The following CEP78 variants were observed in gnomAD, a reference collection of about 807,000 sequenced individuals.
The protein encoded by CEP78 is centrosomal protein of 78 kDa.
CEP78 carries 76 observed loss-of-function variants against 81.2 expected under a neutral mutation model. The ratio of observed to expected loss-of-function variants is 0.94; its 90% CI spans 0.78 to 1.13. The LOEUF is 1.13. CEP78 is among the 50% of genes most tolerant of loss of function. The pLI is 0.00. For missense variants in CEP78, 918 were observed against 846.8 expected, an observed-to-expected ratio of 1.08 and a Z score of -1.04; for synonymous variants, 293 against 301.4, an observed-to-expected ratio of 0.97 and a Z score of 0.29.
Position 78,240,855 on chromosome 9 carries a change from C to T in CEP78, c.499+491C>T, listed in dbSNP as rs189438914. ...GCGGGTGCCTATAGTCCCAGCCACT[C>T]AGGAGGCTGAGGCAGGAGAATGGTG... On this transcript the variant is annotated intron_variant, in intron 3 of 16. Coordinates refer to ENST00000643273, the MANE Select transcript of CEP78 (RefSeq NM_001330691.3). Among the ~76,000 whole-genome samples the T allele has an allele frequency of 3.9e-3, 595 of 151,618 alleles. 3 individuals are homozygous for T. The highest frequency in any genetic ancestry group is 0.013 in the African/African-American group (552 of 41,278).
intron 11 of CEP78, among the ~76,000 whole-genome samples, chr9:78,255,650 T>C (rs930007814): frequency 6.6e-6 from 1 of 152,176 alleles, no homozygotes; most frequent in Non-Finnish European, 1.5e-5. Context: ...TTTCATTTTT[T>C]AAATTAAAAT....
chr9:78,251,701 T>G (rs1217355360), intron 8 of CEP78, among the ~76,000 whole-genome samples: 1 of 151,144 alleles, frequency 6.6e-6, no homozygotes, highest in Non-Finnish European at 1.5e-5. Flanking sequence ...TATTTATTAC[T>G]TATATTTAAG....
At chr9:78,263,816 A>C (rs1295481358) in intron 12 of CEP78, among the ~76,000 whole-genome samples, 1 of 152,164 alleles carries the variant, frequency 6.6e-6, no homozygotes, top group Non-Finnish European at 1.5e-5. Context: ...CAAATTGTAA[A>C]ATGCTTACTC....
rs866636121 is a variant in CEP78, at chr9:78,277,519, A to G, written c.*6668A>G. The G allele has an allele frequency of 6.6e-6, 1 of 152,350 alleles. No individual in the cohort carries two copies. Among genetic ancestry groups the G allele is most frequent in the African/African-American group, 2.4e-5 (1 of 41,586 alleles). 9.4% of individuals were successfully genotyped at this position (152,350 alleles called of 1,614,324 possible). A position where few individuals can be genotyped will look rare whatever the true frequency, so the allele number is the denominator to read the frequency against. ...TTTCAACCTCGTAAGCAATCAGGAA[A>G]ATTAAAGTTAAAATGAGATACTATT... On this transcript the variant is annotated 3_prime_UTR_variant, in exon 17 of 17. Coordinates refer to ENST00000643273, the MANE Select transcript of CEP78 (RefSeq NM_001330691.3).
intron 12 of CEP78, 178 bp from the exon 13 acceptor site, chr9:78,263,971 GT>G (rs534802999): frequency 1.2e-3 from 457 of 388,354 alleles, no homozygotes; most frequent in African/African-American, 8.8e-3. Context: ...TATGTAGGAG[GT>G]TTTGTCAGTT....
At chr9:78,254,159 G>T (rs1826899651) in intron 10 of CEP78, among the ~76,000 whole-genome samples, 1 of 152,132 alleles carries the variant, frequency 6.6e-6, no homozygotes, top group African/African-American at 2.4e-5. Context: ...TTTGGCTTAA[G>T]AATGAGGAAA....
Position 78,236,364 on chromosome 9 carries a change from T to C in CEP78, c.14T>C (p.Val5Ala), listed in dbSNP as rs1381420965. MIDS[V>A]KLRRDSAADF... ...CGCCCTCGGGCCATGATCGACTCCG[T>C]GAAGCTGCGCCGCGACAGCGCGGCG... The change falls in exon 1 of 17, where the codon GTG becomes GCG. Residue 5 changes from valine to alanine, a missense_variant. By Grantham distance (64) the Val-to-Ala change is moderately conservative. Transcript: ENST00000643273. 2.9e-5 allele frequency: 46 copies of C among 1,580,648 alleles called. No individual in the cohort carries two copies. The highest frequency in any genetic ancestry group is 3.9e-5 in the Non-Finnish European group (46 of 1,166,984).
intron 14 of CEP78, 140 bp downstream of exon 14, chr9:78,265,683 AT>A: frequency 1.2e-6 from 1 of 846,842 alleles, no homozygotes; most frequent in Admixed American, 2.8e-5. Context: ...CAAGACTGAG[AT>A]TAGTAAGTTT....
chr9:78,245,830 C>A (rs1218633859), intron 5 of CEP78, among the ~76,000 whole-genome samples: 1 of 152,092 alleles, frequency 6.6e-6, no homozygotes, highest in Non-Finnish European at 1.5e-5. Context: ...TCTTTGGATT[C>A]ATTATTTCTA....
At chr9:78,257,051 C>T (rs984872119) in intron 11 of CEP78, among the ~76,000 whole-genome samples, 2 of 149,586 alleles carry the variant, frequency 1.3e-5, no homozygotes, top group African/African-American at 4.9e-5. Context: ...GGAGGTCTAA[C>T]ATGTTACTGT....
intron 1 of CEP78, among the ~76,000 whole-genome samples, chr9:78,237,273 G>T (rs980722668): frequency 6.6e-6 from 1 of 151,966 alleles, no homozygotes; most frequent in Non-Finnish European, 1.5e-5. Flanking sequence ...GAGCCACCGC[G>T]CCCGGCCTGT....
intron 16 of CEP78, among the ~76,000 whole-genome samples, chr9:78,267,294 G>C (rs955998498): frequency 1.1e-4 from 16 of 152,294 alleles, no homozygotes; most frequent in African/African-American, 3.8e-4. Context: ...CTAACATTCT[G>C]TGGAGGGAGA....
chr9:78,244,896 GT>G (rs1245430825), intron 5 of CEP78, among the ~76,000 whole-genome samples: 1 of 152,108 alleles, frequency 6.6e-6, no homozygotes, highest in African/African-American at 2.4e-5. Context: ...GAGTTGCTGT[GT>G]TAACAGAGTC....
chr9:78,244,947 A>G (rs1380647647), intron 5 of CEP78, among the ~76,000 whole-genome samples: 2 of 152,182 alleles, frequency 1.3e-5, no homozygotes, highest in African/African-American at 2.4e-5. Context: ...GACCTTCGCC[A>G]ATCTGATAGA....
rs1451248596 is a variant in CEP78, at chr9:78,275,984, A to T, written c.*5133A>T. On this transcript the variant is annotated 3_prime_UTR_variant, in exon 17 of 17. Coordinates refer to ENST00000643273, the MANE Select transcript of CEP78 (RefSeq NM_001330691.3). ...AGAAAAACCTTCCAGGGGCACATTT[A>T]TTTGTAAACCATTCCAGAGGATAGA... 6.6e-6 allele frequency: 1 copy of T among 152,294 alleles called. No homozygotes were observed. Among genetic ancestry groups the T allele is most frequent in the Non-Finnish European group, 1.5e-5 (1 of 68,150 alleles). 9.4% of individuals were successfully genotyped at this position (152,294 alleles called of 1,614,324 possible).
At chr9:78,267,759 T>G (rs1246384875) in intron 16 of CEP78, among the ~76,000 whole-genome samples, 1 of 152,132 alleles carries the variant, frequency 6.6e-6, no homozygotes, top group Admixed American at 6.5e-5. Flanking sequence ...GGTTGAATTT[T>G]TCAAAGGCAG....
intron 11 of CEP78, among the ~76,000 whole-genome samples, chr9:78,260,706 CAAAAAAAAAAA>C (rs1204270796): frequency 1.9e-5 from 1 of 53,090 alleles, no homozygotes; most frequent in South Asian, 6.6e-4. Flanking sequence ...GACTCCATCT[CAAAAAAAAAAA>C]AAAAAAAAGT....
intron 10 of CEP78, chr9:78,254,366 T>C (rs2118334237): frequency 6.6e-6 from 1 of 152,650 alleles, no homozygotes; most frequent in African/African-American, 2.4e-5. Context: ...TGTTTATTAT[T>C]CACAATTTAA....
chr9:78,264,701 T>C lies in CEP78; in HGVS notation c.1625+385T>C, dbSNP rs957718265. 2.0e-5 allele frequency among the ~76,000 whole-genome samples: 3 copies of C among 152,002 alleles called. No individual in the cohort carries two copies. In the Middle Eastern group the frequency reaches 0.01, roughly 517 times the overall value. ...TAGATAGAGTAATTGGTAGCTGTGATTCTTGTTAAAGACCAAATTGAAGGT... is the reference window on the plus strand; with the variant it reads ...TAGATAGAGTAATTGGTAGCTGTGACTCTTGTTAAAGACCAAATTGAAGGT... On this transcript the variant is annotated intron_variant, in intron 13 of 16. Coordinates refer to ENST00000643273, the MANE Select transcript of CEP78 (RefSeq NM_001330691.3).
Sources: gnomAD v4.1 joint callset for allele counts (sites outside exome capture counted in the v4.1 genomes callset) on GRCh38, gnomAD v4.1.1 for gene constraint, MANE v1.5 for transcripts, NCBI Gene and HGNC (gene_info 2026-07-23, HGNC 2026-07-21) for gene names.